CPAMD8: variants seen among roughly 807,000 people sequenced by gnomAD.
CPAMD8 encodes C3 and PZP-like alpha-2-macroglobulin domain-containing protein 8.
In CPAMD8, 146 loss-of-function variants were observed where a neutral mutation model predicts 224.7. The ratio of observed to expected loss-of-function variants is 0.65; its 90% confidence interval spans 0.57 to 0.75. The LOEUF is 0.75. Among genes scored for constraint, CPAMD8 ranks in the 30% least tolerant of loss-of-function variants. The pLI, the probability that CPAMD8 is intolerant of heterozygous loss-of-function variation, is 0.00. For synonymous variants in CPAMD8, 966 were observed against 1,044.6 expected, an observed-to-expected ratio of 0.92 and a Z score of 1.45; for missense variants, 2,301 against 2,537.5, an observed-to-expected ratio of 0.91 and a Z score of 2.00.
At chr19:16,901,736 G>A (rs978870309) in intron 35 of CPAMD8, among the ~76,000 whole-genome samples, 10 of 152,148 alleles carry the variant, frequency 6.6e-5, no homozygotes, top group South Asian at 2.1e-4. Context: ...ATGGTGGGGC[G>A]GGGAGGGAGG....
At chr19:16,900,736 G>T (rs1182791258) in intron 36 of CPAMD8, among the ~76,000 whole-genome samples, 1 of 152,040 alleles carries the variant, frequency 6.6e-6, no homozygotes, top group Admixed American at 6.6e-5. Flanking sequence ...AAGGGGCTGG[G>T]CATAGTGGCT....
intron 23 of CPAMD8, among the ~76,000 whole-genome samples, chr19:16,930,638 G>A (rs575155750): frequency 4.6e-5 from 7 of 152,216 alleles, no homozygotes; most frequent in Admixed American, 6.5e-5. Flanking sequence ...CATTCCCACC[G>A]TGGACTCTAG....
chr19:16,914,509 A>G lies in CPAMD8; in HGVS notation c.3787-11T>C. ...GCCGTGGATCCCACCCTGCAAGGGG[A>G]CTCACAGGCCTCACCCTAAGCCAAA... On this transcript the variant is annotated splice_polypyrimidine_tract_variant and intron_variant, in intron 28 of 41. Transcript: ENST00000443236. The G allele has an allele frequency of 6.2e-7, 1 of 1,613,604 alleles. No individual in the cohort carries two copies. The highest frequency in any genetic ancestry group is 8.5e-7 in the Non-Finnish European group (1 of 1,179,584).
At position 17,016,297 on chromosome 19, in the gene CPAMD8, C is replaced by A. The variant is rs569491896; in HGVS notation, c.267+4034G>T. Among the ~76,000 whole-genome samples the A allele has an allele frequency of 7.2e-5, 11 of 152,296 alleles. No homozygotes were observed. In the South Asian group the frequency reaches 2.3e-3, roughly 32 times the overall value. ...AGCATCTTTCTTGGGAATCTCAAGT[C>A]TAGTCTTAAGAGCCCTTGGCCCCTC... is the stretch of plus-strand genomic sequence containing the variant. On this transcript the variant is annotated intron_variant, in intron 3 of 41. Transcript: ENST00000443236.
At chr19:16,961,053 T>C (rs2054636143) in intron 18 of CPAMD8, among the ~76,000 whole-genome samples, 1 of 151,914 alleles carries the variant, frequency 6.6e-6, no homozygotes, top group African/African-American at 2.4e-5. Context: ...TATTCCAAGA[T>C]GGCCAAATAG....
chr19:16,944,512 G>C (rs1376731852), intron 22 of CPAMD8, among the ~76,000 whole-genome samples: 1 of 152,138 alleles, frequency 6.6e-6, no homozygotes, highest in Non-Finnish European at 1.5e-5. Flanking sequence ...CTGCAGCTCG[G>C]AGGGGCTCGC....
At chr19:16,904,022 G>A (rs1274733635) in intron 32 of CPAMD8, among the ~76,000 whole-genome samples, 165 bp from the exon 33 acceptor site, 1 of 152,214 alleles carries the variant, frequency 6.6e-6, no homozygotes, top group Non-Finnish European at 1.5e-5. Flanking sequence ...GGACAGCCAG[G>A]TTGGTGTGTC....
chr19:16,973,041 T>C (rs1193562677), intron 17 of CPAMD8, among the ~76,000 whole-genome samples: 1 of 151,928 alleles, frequency 6.6e-6, no homozygotes, highest in Admixed American at 6.6e-5. Context: ...TGATGGCGTG[T>C]GTCTGTGGTC....
intron 21 of CPAMD8, among the ~76,000 whole-genome samples, chr19:16,945,909 T>C (rs535062696): frequency 5.7e-4 from 87 of 152,198 alleles, no homozygotes; most frequent in African/African-American, 2.0e-3. Context: ...GTACATGTGT[T>C]TGTGTGTACG....
intron 5 of CPAMD8, among the ~76,000 whole-genome samples, chr19:17,009,851 C>T (rs1353160045): frequency 6.6e-6 from 1 of 152,070 alleles, no homozygotes; most frequent in Non-Finnish European, 1.5e-5. Context: ...CCCAGCAACA[C>T]GACAAACCCA....
chr19:16,903,799 C>A lies in CPAMD8; in HGVS notation c.4310G>T (p.Gly1437Val). Residue 1437 changes from glycine (G) to valine (V), a missense_variant, in exon 33 of 42, where the codon GGC (glycine) becomes GTC (valine). Gly to Val is a moderately radical substitution (Grantham distance 109, BLOSUM62 -3). Coordinates refer to ENST00000443236, the MANE Select transcript of CPAMD8 (RefSeq NM_015692.5). ...AEYAILSYAG[G>V]INLTVSLAST... is the part of the protein sequence containing the mutation. ...GGCCAGGGAGACAGTGAGGTTGATG[C>A]CTCCAGCATAGGACAAGATGGCATA... 6.2e-7 allele frequency: 1 copy of A among 1,614,136 alleles called. No individual in the cohort carries two copies. The highest frequency in any genetic ancestry group is 8.5e-7 in the Non-Finnish European group (1 of 1,179,964).
intron 3 of CPAMD8, among the ~76,000 whole-genome samples, chr19:17,014,078 T>C (rs1227603370): frequency 2.2e-4 from 33 of 147,090 alleles, no homozygotes; most frequent in Non-Finnish European, 2.4e-4. Context: ...TTAGAGACAA[T>C]ATCTTGCTCT....
intron 20 of CPAMD8, among the ~76,000 whole-genome samples, chr19:16,947,941 T>C (rs1353358757): frequency 6.6e-6 from 1 of 152,192 alleles, no homozygotes; most frequent in Non-Finnish European, 1.5e-5. Flanking sequence ...TGTGCATGGA[T>C]GTGCAAGTAT....
chr19:17,019,135 GT>G (rs2056887948), intron 3 of CPAMD8, among the ~76,000 whole-genome samples: 1 of 151,942 alleles, frequency 6.6e-6, no homozygotes, highest in Non-Finnish European at 1.5e-5. Context: ...GTTTTGTTTT[GT>G]TTTTTGAGAC....
intron 13 of CPAMD8, among the ~76,000 whole-genome samples, chr19:16,981,478 A>G (rs891533425): frequency 1.3e-5 from 2 of 152,198 alleles, no homozygotes; most frequent in African/African-American, 4.8e-5. Flanking sequence ...ATAGTCCCCA[A>G]GTTCCTAGAG....
At chr19:16,929,599 C>A (rs754201986) in intron 23 of CPAMD8, among the ~76,000 whole-genome samples, 2 of 152,086 alleles carry the variant, frequency 1.3e-5, no homozygotes, top group Non-Finnish European at 2.9e-5. Context: ...ACTTGGGAGG[C>A]CAAGGCAGGA....
chr19:16,945,737 C>T (rs1568509660), intron 21 of CPAMD8, 58 bp from the exon 22 acceptor site: 1 of 1,538,752 alleles, frequency 6.5e-7, no homozygotes, highest in Non-Finnish European at 9.0e-7. Flanking sequence ...TGGGGGCTGT[C>T]CCATCCCTAT....
intron 23 of CPAMD8, among the ~76,000 whole-genome samples, chr19:16,930,610 G>A (rs1318362871): frequency 1.3e-5 from 2 of 152,132 alleles, no homozygotes; most frequent in Non-Finnish European, 2.9e-5. Flanking sequence ...GAAAGGGTGA[G>A]TGAACCCCCG....
chr19:16,949,029 G>C (rs1398977505), intron 20 of CPAMD8, among the ~76,000 whole-genome samples: 2 of 119,288 alleles, frequency 1.7e-5, no homozygotes, highest in African/African-American at 3.1e-5. Context: ...AGAAAAGAAA[G>C]AAAGAAGGAA....
Sources: allele counts gnomAD v4.1 joint callset (sites outside exome capture counted in the v4.1 genomes callset), GRCh38; gene constraint gnomAD v4.1.1; transcripts MANE v1.5; gene names NCBI Gene and HGNC (gene_info 2026-07-23, HGNC 2026-07-21).